POLR1C: variants seen among roughly 807,000 people sequenced by gnomAD.
POLR1C encodes DNA-directed RNA polymerases I and III subunit RPAC1.
POLR1C carries 42 observed loss-of-function variants against 38.3 expected under a neutral mutation model. That is an observed-to-expected ratio of 1.10 (90% CI 0.86 to 1.42). The LOEUF is 1.42. Among genes scored for constraint, POLR1C ranks in the 40% most tolerant of loss-of-function variants. The pLI, the probability that POLR1C is intolerant of heterozygous loss-of-function variation, is 0.00. For missense variants in POLR1C, 507 were observed against 450.5 expected, an observed-to-expected ratio of 1.13 and a Z score of -1.14; for synonymous variants, 163 against 163.9, an observed-to-expected ratio of 0.99 and a Z score of 0.04.
intron 9 of POLR1C, chr6:43,549,904 C>T (rs745744493): frequency 6.2e-7 from 1 of 1,611,444 alleles, no homozygotes; most frequent in Non-Finnish European, 8.5e-7. Flanking sequence ...TTACTTTCTT[C>T]AACAGTTTCA....
chr6:43,517,158 G>A lies in POLR1C; in HGVS notation c.49G>A (p.Gly17Arg). The part of the protein sequence containing the change: ...VEEMRSRVVL[G>R]EFGVRNVHTT... ...GGAAATGCGGAGCCGCGTGGTTCTG[G>A]GGGAGTTTGGGGTTCGCAATGTAAG... The change falls in exon 1 of 9, where the codon GGG becomes AGG. Residue 17 changes from glycine (G) to arginine (R), a missense_variant. Coordinates refer to ENST00000642195, the MANE Select transcript of POLR1C (RefSeq NM_203290.4). 2.5e-6 allele frequency: 4 copies of A among 1,614,142 alleles called. No individual in the cohort carries two copies. The highest frequency in any genetic ancestry group is 3.4e-6 in the Non-Finnish European group (4 of 1,180,020).
At chr6:43,534,064 G>A (rs115467742), downstream of POLR1C, 2,057 of 1,380,292 alleles carry the variant, frequency 1.5e-3, 20 homozygotes, top group African/African-American at 0.026. Context: ...GGAAAGAGTG[G>A]GTTTTGCTTG....
intron 10 of POLR1C, among the ~76,000 whole-genome samples, chr6:43,559,828 C>T (rs149206859): frequency 2.6e-5 from 4 of 152,120 alleles, no homozygotes; most frequent in Admixed American, 1.3e-4. Context: ...TTTTATGTTT[C>T]CCCCGAGACA....
At chr6:43,546,983 G>A (rs1794995518) in intron 9 of POLR1C, among the ~76,000 whole-genome samples, 1 of 152,240 alleles carries the variant, frequency 6.6e-6, no homozygotes, top group African/African-American at 2.4e-5. Context: ...TTCCCTTGCA[G>A]TAAGCTGTCT....
downstream of POLR1C, chr6:43,524,686 C>A: frequency 6.3e-7 from 1 of 1,595,946 alleles, no homozygotes; most frequent in South Asian, 1.1e-5. Context: ...ATATTGCCAC[C>A]CTCCCCATTT....
downstream of POLR1C, chr6:43,522,455 T>C (rs1369827140): frequency 6.8e-5 from 11 of 162,332 alleles, no homozygotes; most frequent in Non-Finnish European, 1.2e-4. Flanking sequence ...GTTAAAAATA[T>C]TACAATGCAA....
downstream of POLR1C, chr6:43,521,663 A>G (rs548189829): frequency 1.1e-4 from 38 of 343,744 alleles, no homozygotes; most frequent in Non-Finnish European, 2.1e-4. Flanking sequence ...CTGATGCTAC[A>G]GGCATGCACC....
At chr6:43,522,702 C>G, downstream of POLR1C, 1 of 498,710 alleles carries the variant, frequency 2.0e-6, no homozygotes, top group South Asian at 1.5e-5. Context: ...CTTCGGCTCT[C>G]GGGGAAACCC....
intron 10 of POLR1C, chr6:43,551,302 G>C: frequency 6.2e-7 from 1 of 1,610,396 alleles, no homozygotes; most frequent in Non-Finnish European, 8.5e-7. Context: ...TTATACCTTA[G>C]AGAAGACCTG....
At chr6:43,533,878 C>G, downstream of POLR1C, 1 of 1,532,094 alleles carries the variant, frequency 6.5e-7, no homozygotes, top group Non-Finnish European at 8.9e-7. Context: ...TAAGATAAAC[C>G]TTAGGAGAAA....
In POLR1C at chr6:43,528,089, C is replaced by T. The variant is rs533690824; in HGVS notation, c.923-1160C>T. On this transcript the variant is annotated intron_variant, in intron 8 of 8. Coordinates refer to the POLR1C transcript ENST00000304004. ...ACCCTGGGACAGCAGAATCCCTGCC[C>T]GCTTCCTTTTCCCACCCCAAACCTG... 1.9e-5 allele frequency: 28 copies of T among 1,469,798 alleles called. No homozygotes were observed. In the East Asian group the frequency reaches 2.2e-4, roughly 12 times the overall value. The allele number at this position is 1,469,798 out of a possible 1,614,324, so 91.0% of individuals were successfully genotyped here.
intron 10 of POLR1C, chr6:43,560,127 T>C (rs1032964933): frequency 6.3e-7 from 1 of 1,589,106 alleles, no homozygotes; most frequent in African/African-American, 1.3e-5. Flanking sequence ...CCTCAAAGTC[T>C]TATTATGTGT....
Position 43,558,623 on chromosome 6 carries a change from TG to T in POLR1C, c.*49-2776del, listed in dbSNP as rs1334274778. The T allele has an allele frequency of 3.3e-6, 5 of 1,514,064 alleles. No individual in the cohort carries two copies. The East Asian group carries it at 1.2e-4, about 36-fold the overall frequency. 93.8% of individuals were successfully genotyped at this position (1,514,064 alleles called of 1,614,324 possible). A position where few individuals can be genotyped will look rare whatever the true frequency, so the allele number is the denominator to read the frequency against. ...AAAGAAAGGTAATTGGGGTAGGGGA[TG>T]AAAGTGGACCCACTGAAAGAGTTTT... On this transcript the variant is annotated intron_variant, in intron 10 of 10. Coordinates refer to the POLR1C transcript ENST00000607635.
chr6:43,517,701 A>C (rs1792908190), intron 2 of POLR1C, among the ~76,000 whole-genome samples: 2 of 152,132 alleles, frequency 1.3e-5, no homozygotes, highest in African/African-American at 4.8e-5. Flanking sequence ...GAGGTACTTA[A>C]CATTTCAAGA....
At chr6:43,556,186 G>T (rs1273104861) in intron 10 of POLR1C, 11 of 483,536 alleles carry the variant, frequency 2.3e-5, no homozygotes, top group South Asian at 3.3e-5. Context: ...GCTAGATCCT[G>T]TAAGTGGCAA....
intron 8 of POLR1C, chr6:43,527,421 G>A (rs950674300): frequency 4.5e-5 from 20 of 442,824 alleles, no homozygotes; most frequent in Middle Eastern, 6.6e-4. Flanking sequence ...ACAGGCCTGC[G>A]CGCCACTACG....
intron 10 of POLR1C, among the ~76,000 whole-genome samples, chr6:43,558,092 T>C (rs1762202689): frequency 7.0e-6 from 1 of 143,234 alleles, no homozygotes; most frequent in Admixed American, 6.8e-5. Flanking sequence ...TGAAACTCCA[T>C]CTCAAAAAAA....
chr6:43,518,037 T>C (rs529665974), intron 2 of POLR1C, among the ~76,000 whole-genome samples: 1 of 152,304 alleles, frequency 6.6e-6, no homozygotes, highest in African/African-American at 2.4e-5. Context: ...GAAAAAAAAT[T>C]ATGGCTTGTG....
chr6:43,542,767 G>A (rs1046468086), intron 9 of POLR1C, among the ~76,000 whole-genome samples: 3 of 152,084 alleles, frequency 2.0e-5, no homozygotes, highest in African/African-American at 7.2e-5. Context: ...GCATATAACT[G>A]GTGGGAATAT....
Sources: gnomAD v4.1 joint callset for allele counts (sites outside exome capture counted in the v4.1 genomes callset) on GRCh38, gnomAD v4.1.1 for gene constraint, MANE v1.5 for transcripts, NCBI Gene and HGNC (gene_info 2026-07-23, HGNC 2026-07-21) for gene names.